SUMF1: variants seen among roughly 807,000 people sequenced by gnomAD.
SUMF1 encodes formylglycine-generating enzyme.
SUMF1 carries 48 observed loss-of-function variants against 47.6 expected under a neutral mutation model. The observed-to-expected ratio is 1.01, with a 90% confidence interval of 0.80 to 1.28. The LOEUF (loss-of-function observed/expected upper bound fraction) is 1.28. SUMF1 is among the 50% of genes most tolerant of loss of function. The pLI is 0.00. For missense variants in SUMF1, 571 were observed against 485.4 expected, an observed-to-expected ratio of 1.18 and a Z score of -1.66; for synonymous variants, 230 against 192.1, an observed-to-expected ratio of 1.20 and a Z score of -1.63.
chr3:4,407,592 G>A, intron 7 of SUMF1, among the ~76,000 whole-genome samples: 1 of 152,102 alleles, frequency 6.6e-6, no homozygotes, highest in East Asian at 1.9e-4. Flanking sequence ...ATTATATACA[G>A]GTTCTTTGCT....
intron 8 of SUMF1, among the ~76,000 whole-genome samples, chr3:4,265,890 T>C (rs1244793894): frequency 6.6e-6 from 1 of 152,160 alleles, no homozygotes; most frequent in Non-Finnish European, 1.5e-5. Context: ...TTAATCCATC[T>C]TGAATTGATT....
chr3:4,101,153 G>A (rs6780829), intron 8 of SUMF1, among the ~76,000 whole-genome samples: 22,787 of 151,856 alleles, frequency 0.15, 3,688 homozygotes, highest in African/African-American at 0.39. Flanking sequence ...ATATACCCAG[G>A]GGAATTGAAA....
At chr3:4,143,999 T>G (rs1247286223) in intron 8 of SUMF1, among the ~76,000 whole-genome samples, 1 of 151,290 alleles carries the variant, frequency 6.6e-6, no homozygotes, top group East Asian at 1.9e-4. Context: ...TTTTTTTTTT[T>G]TTTTTTTTTT....
chr3:4,379,916 A>G (rs1213876995), intron 7 of SUMF1, among the ~76,000 whole-genome samples: 1 of 150,820 alleles, frequency 6.6e-6, no homozygotes, highest in Non-Finnish European at 1.5e-5. Flanking sequence ...TAATCCAGAG[A>G]GTTGGGGAAG....
At chr3:4,433,469 T>G (rs1487925250) in intron 3 of SUMF1, among the ~76,000 whole-genome samples, 2 of 152,156 alleles carry the variant, frequency 1.3e-5, no homozygotes, top group African/African-American at 4.8e-5. Flanking sequence ...CTAAGTCAAG[T>G]GAACAACTAC....
chr3:4,178,132 T>C (rs970696506), intron 8 of SUMF1, among the ~76,000 whole-genome samples: 2 of 152,202 alleles, frequency 1.3e-5, no homozygotes, highest in African/African-American at 4.8e-5. Flanking sequence ...GTTAGTACCA[T>C]TTCTTCTGGA....
intron 8 of SUMF1, among the ~76,000 whole-genome samples, chr3:4,115,370 G>C (rs1693398125): frequency 6.6e-6 from 1 of 152,084 alleles, no homozygotes; most frequent in African/African-American, 2.4e-5. Flanking sequence ...ACCAAGGCAA[G>C]AACCCCAGGA....
chr3:4,139,557 T>C (rs1319289363), intron 8 of SUMF1, among the ~76,000 whole-genome samples: 1 of 58,712 alleles, frequency 1.7e-5, no homozygotes, highest in Non-Finnish European at 5.6e-5. Context: ...ATAATAAACT[T>C]ATATATATGC....
chr3:4,038,682 G>A (rs1349167926), intron 9 of SUMF1, among the ~76,000 whole-genome samples: 1 of 152,080 alleles, frequency 6.6e-6, no homozygotes, highest in African/African-American at 2.4e-5. Flanking sequence ...GTAAGCTCAG[G>A]TGTAGCCCTC....
intron 8 of SUMF1, among the ~76,000 whole-genome samples, chr3:4,101,505 A>C (rs779143192): frequency 4.6e-5 from 7 of 152,144 alleles, no homozygotes; most frequent in Non-Finnish European, 7.3e-5. Flanking sequence ...GAAGATGGGC[A>C]GGGAAAGGTG....
intron 8 of SUMF1, among the ~76,000 whole-genome samples, chr3:4,315,533 A>T (rs1698601709): frequency 6.6e-6 from 1 of 152,144 alleles, no homozygotes; most frequent in South Asian, 2.1e-4. Context: ...CTAGTTTATT[A>T]TATAGCACTT....
At chr3:4,406,628 C>T (rs997288769) in intron 7 of SUMF1, among the ~76,000 whole-genome samples, 1 of 152,164 alleles carries the variant, frequency 6.6e-6, no homozygotes, top group African/African-American at 2.4e-5. Context: ...CCACTGCACT[C>T]CATCCTGGGT....
At chr3:4,359,919 G>A (rs114963673), downstream of SUMF1, among the ~76,000 whole-genome samples, 1 of 152,238 alleles carries the variant, frequency 6.6e-6, no homozygotes, top group Non-Finnish European at 1.5e-5. Flanking sequence ...TGGGATTATA[G>A]GTATGAGCCA....
At chr3:4,045,353 C>T (rs1324508884) in intron 9 of SUMF1, among the ~76,000 whole-genome samples, 1 of 151,764 alleles carries the variant, frequency 6.6e-6, no homozygotes, top group Non-Finnish European at 1.5e-5. Flanking sequence ...TAAACCAATT[C>T]CTTCCAATAA....
At chr3:4,119,110 G>C (rs1035921670) in intron 8 of SUMF1, among the ~76,000 whole-genome samples, 11 of 152,048 alleles carry the variant, frequency 7.2e-5, no homozygotes, top group Non-Finnish European at 1.3e-4. Flanking sequence ...CTAATGGCCT[G>C]ACCAAGCTAA....
At chr3:4,373,213 GAAC>G (rs1700220894) in intron 8 of SUMF1, among the ~76,000 whole-genome samples, 1 of 151,042 alleles carries the variant, frequency 6.6e-6, no homozygotes, top group Non-Finnish European at 1.5e-5. Context: ...GACAAACAGA[GAAC>G]AACAACAGGT....
rs1222673872 is a variant in SUMF1 at position 4,303,586 on chromosome 3, C to T, written c.1014+72744G>A. 3 of 1,377,832 alleles carry T rather than the reference C, an allele frequency of 2.2e-6. 1 individual carries two copies. The South Asian group carries it at 5.2e-5, about 24-fold the overall frequency. 85.4% of individuals were successfully genotyped at this position (1,377,832 alleles called of 1,614,324 possible). On this transcript the variant is annotated intron_variant and NMD_transcript_variant, in intron 8 of 12. Transcript: ENST00000448413. ...GCGCGGCTCCCCCACGTGGTCTCCT[C>T]AAGCCGCCTCGCTGGGACGGCCTCC...
chr3:4,135,782 G>C lies in SUMF1; in HGVS notation c.1015-67037C>G, dbSNP rs565245627. On this transcript the variant is annotated intron_variant and NMD_transcript_variant, in intron 8 of 12. Transcript: ENST00000448413. ...GATAAGCAACTTCAGCAACATCTCA[G>C]GATACAAAATCAATGTGCAAAAATC... 1.5e-3 allele frequency among the ~76,000 whole-genome samples: 228 copies of C among 152,206 alleles called. 3 individuals carry two copies. The highest frequency in any genetic ancestry group is 4.8e-3 in the Admixed American group (73 of 15,274).
intron 8 of SUMF1, among the ~76,000 whole-genome samples, chr3:4,325,022 T>G (rs112169926): frequency 0.011 from 1,662 of 152,178 alleles, 21 homozygotes; most frequent in African/African-American, 0.036. Context: ...AGAAAGAGTT[T>G]GTGCAGGAAA....
Sources: gnomAD v4.1 joint callset for allele counts (sites outside exome capture counted in the v4.1 genomes callset) on GRCh38, gnomAD v4.1.1 for gene constraint, MANE v1.5 for transcripts, NCBI Gene and HGNC (gene_info 2026-07-23, HGNC 2026-07-21) for gene names.